The following NEBL variants were observed in gnomAD, a reference collection of about 807,000 sequenced individuals.
The protein encoded by NEBL is nebulette.
In NEBL, 122 loss-of-function variants were observed where a neutral mutation model predicts 140.2. That is an observed-to-expected ratio of 0.87 (90% confidence interval 0.75 to 1.01). The LOEUF (loss-of-function observed/expected upper bound fraction) is 1.01, where lower values mean the gene tolerates loss of function less well. Ranked by LOEUF, NEBL falls within the 50% of genes least tolerant of loss-of-function variation. The probability of loss-of-function intolerance (pLI) is 0.00; values close to 1 mark genes in which losing one functional copy is unlikely to be tolerated. For missense variants in NEBL, 1,365 were observed against 1,231.3 expected, an observed-to-expected ratio of 1.11 and a Z score of -1.62; for synonymous variants, 436 against 398.9, an observed-to-expected ratio of 1.09 and a Z score of -1.11.
At chr10:20,953,113 AACTGTGTACC>A (rs1199035563) in intron 4 of NEBL, among the ~76,000 whole-genome samples, 2 of 152,060 alleles carry the variant, frequency 1.3e-5, no homozygotes, top group African/African-American at 4.8e-5. Context: ...GTATGGACTG[AACTGTGTACC>A]ACCCCAAAAT....
intron 2 of NEBL, among the ~76,000 whole-genome samples, chr10:21,111,292 C>A (rs1838001262): frequency 6.6e-6 from 1 of 152,082 alleles, no homozygotes; most frequent in Non-Finnish European, 1.5e-5. Context: ...CCAAGATAAT[C>A]CTAAGCAAAA....
chr10:20,892,185 C>A (rs193079542), intron 2 of NEBL, among the ~76,000 whole-genome samples: 44 of 152,340 alleles, frequency 2.9e-4, no homozygotes, highest in African/African-American at 1.1e-3. Flanking sequence ...TGATCTAAAC[C>A]AGGCATGGTC....
At chr10:20,955,958 T>C (rs1362452246) in intron 4 of NEBL, among the ~76,000 whole-genome samples, 2 of 151,684 alleles carry the variant, frequency 1.3e-5, no homozygotes, top group African/African-American at 4.8e-5. Context: ...TTACCGGGGC[T>C]CTTCTCAAAC....
chr10:20,951,914 T>C (rs1478426293), intron 4 of NEBL, among the ~76,000 whole-genome samples: 2 of 152,218 alleles, frequency 1.3e-5, no homozygotes, highest in Non-Finnish European at 2.9e-5. Context: ...TTTGTTAGAC[T>C]TTCCCTGTGT....
intron 2 of NEBL, among the ~76,000 whole-genome samples, chr10:20,894,538 A>C (rs1847281881): frequency 6.6e-6 from 1 of 152,104 alleles, no homozygotes; most frequent in Non-Finnish European, 1.5e-5. Context: ...AAAAAGGAAA[A>C]AAATCTAAAA....
chr10:21,030,476 CA>C, intron 2 of NEBL: 2 of 764,016 alleles, frequency 2.6e-6, no homozygotes, highest in Non-Finnish European at 4.6e-6. Context: ...TGATCAGCCC[CA>C]AAAGGTAATG....
At chr10:20,811,845 G>A (rs1838179620) in intron 24 of NEBL, among the ~76,000 whole-genome samples, 1 of 152,286 alleles carries the variant, frequency 6.6e-6, no homozygotes, top group East Asian at 1.9e-4. Flanking sequence ...CTCTGAAGGA[G>A]ACAATAGTCT....
At chr10:21,030,171 A>G (rs1477976002) in intron 2 of NEBL, 9 of 484,772 alleles carry the variant, frequency 1.9e-5, no homozygotes, top group African/African-American at 4.0e-5. Context: ...GATAAGTTGC[A>G]GCATCAGCTG....
At chr10:21,151,273 G>A (rs1840124751) in intron 2 of NEBL, among the ~76,000 whole-genome samples, 1 of 152,180 alleles carries the variant, frequency 6.6e-6, no homozygotes, top group Non-Finnish European at 1.5e-5. Context: ...TGTCACTGAT[G>A]ATGACAGAAT....
At chr10:20,912,041 T>C (rs1848351681) in intron 4 of NEBL, among the ~76,000 whole-genome samples, 1 of 152,240 alleles carries the variant, frequency 6.6e-6, no homozygotes, top group Admixed American at 6.5e-5. Context: ...CCAATTTAAT[T>C]AACATTCTCC....
intron 4 of NEBL, among the ~76,000 whole-genome samples, chr10:20,929,264 T>C (rs928513085): frequency 2.0e-5 from 3 of 151,606 alleles, no homozygotes; most frequent in Non-Finnish European, 2.9e-5. Flanking sequence ...GATATAAATA[T>C]ATATATATAT....
At chr10:21,239,744 G>A (rs764128656) in intron 3 of NEBL, among the ~76,000 whole-genome samples, 12 of 152,124 alleles carry the variant, frequency 7.9e-5, no homozygotes, top group South Asian at 2.1e-4. Context: ...GTGGCAGGGC[G>A]CGGTGGCTCA....
chr10:21,128,093 C>T (rs1219835422), intron 2 of NEBL, among the ~76,000 whole-genome samples: 2 of 152,088 alleles, frequency 1.3e-5, no homozygotes, highest in Non-Finnish European at 2.9e-5. Context: ...CTAGAATCTG[C>T]TCTTATGGTA....
chr10:21,027,979 T>A (rs1390831553), intron 2 of NEBL, among the ~76,000 whole-genome samples: 1 of 151,920 alleles, frequency 6.6e-6, no homozygotes, highest in Non-Finnish European at 1.5e-5. Flanking sequence ...CCCAGCACTT[T>A]GGGAGGCCAA....
chr10:21,087,012 A>C (rs1836665853), intron 2 of NEBL, among the ~76,000 whole-genome samples: 2 of 152,140 alleles, frequency 1.3e-5, no homozygotes, highest in South Asian at 2.1e-4. Context: ...TTTCCAAGGG[A>C]TGTCTCTTAA....
Position 21,146,402 on chromosome 10 carries a change from A to G in NEBL, c.164+25981T>C, listed in dbSNP as rs777855226. On this transcript the variant is annotated intron_variant, in intron 2 of 6. Coordinates refer to the NEBL transcript ENST00000417816. ...AGAAAAAAATGACTGGTTGATTAGTAAAGCACAAACACTCTCTCTCATATA... is the reference window on the plus strand; with the variant it reads ...AGAAAAAAATGACTGGTTGATTAGTGAAGCACAAACACTCTCTCTCATATA... The G allele has an allele frequency of 7.5e-6, 12 of 1,606,238 alleles. No homozygotes were observed. The East Asian group carries it at 2.0e-4, about 27-fold the overall frequency.
chr10:20,892,697 G>A (rs1847130674), intron 2 of NEBL, among the ~76,000 whole-genome samples: 2 of 152,164 alleles, frequency 1.3e-5, no homozygotes, highest in Non-Finnish European at 2.9e-5. Context: ...CAATTAGGAT[G>A]AATTTAGTGC....
At chr10:20,975,493 T>C (rs1051113211) in intron 3 of NEBL, among the ~76,000 whole-genome samples, 4 of 152,168 alleles carry the variant, frequency 2.6e-5, no homozygotes, top group Admixed American at 6.5e-5. Context: ...GTCAGCACCA[T>C]CAATACATCA....
chr10:20,854,083 T>C (rs1033932096), intron 9 of NEBL, among the ~76,000 whole-genome samples: 1 of 152,190 alleles, frequency 6.6e-6, no homozygotes, highest in Admixed American at 6.5e-5. Flanking sequence ...ATTTCTATCA[T>C]TGGAGATTGG....
Sources: gnomAD v4.1 joint callset for allele counts (sites outside exome capture counted in the v4.1 genomes callset) on GRCh38, gnomAD v4.1.1 for gene constraint, MANE v1.5 for transcripts, NCBI Gene and HGNC (gene_info 2026-07-23, HGNC 2026-07-21) for gene names.